Variants in CELF4 observed in about 807,000 individuals in gnomAD.
The protein encoded by CELF4 is CUGBP Elav-like family member 4.
CELF4 carries 18 observed loss-of-function variants against 59.9 expected under a neutral mutation model. That is an observed-to-expected ratio of 0.30 (90% CI 0.21 to 0.45). The LOEUF (loss-of-function observed/expected upper bound fraction) is 0.45. CELF4 is among the 20% of genes least tolerant of loss of function. CELF4 has a pLI of 1.00. For missense variants in CELF4, 456 were observed against 689.0 expected (o/e 0.66, Z 3.79); for synonymous variants, 261 against 267.1 (o/e 0.98, Z 0.22).
chr18:37,326,732 GGCCCAGA>G (rs1413856878), intron 2 of CELF4, among the ~76,000 whole-genome samples: 1 of 152,144 alleles, frequency 6.6e-6, no homozygotes. Context: ...GAGTGGGCCT[GGCCCAGA>G]TCTGGAGCTG....
chr18:37,306,260 C>G (rs958287953), intron 3 of CELF4: 2 of 152,288 alleles, frequency 1.3e-5, no homozygotes, highest in South Asian at 4.1e-4. Context: ...GATGGAAGCC[C>G]TCCTGCCAGA....
Position 37,565,611 on chromosome 18 carries a change from C to G in CELF4, c.31G>C (p.Gly11Arg). Residue 11 changes from glycine (G) to arginine (R), a missense_variant, in exon 1 of 13, where the codon GGA becomes CGA. Around this residue, in one of 7 missense-constraint regions of CELF4, gnomAD observed 70 missense variants for 69.5 expected, o/e 1.01. Transcript: ENST00000420428. ...CTGAGGCTTGCGTTGTCAGCCTGTC[C>G]GTTTGCTAACGTGGCCATCTTTATA... The part of the protein sequence containing the change: MYIKMATLAN[G>R]QADNASLSTN... The G allele has an allele frequency of 6.2e-7, 1 of 1,603,432 alleles. No homozygotes were observed. The highest frequency in any genetic ancestry group is 1.7e-4 in the Middle Eastern group (1 of 5,998).
chr18:37,274,822 C>G lies in CELF4; in HGVS notation c.640G>C (p.Gly214Arg). ...EAQAAINALH[G>R]SQTMPGASSS... Reference sequence around the variant, plus strand: ...GCACTCACCGGCATGGTCTGGCTGCCGTGTAGCGCGTTGATGGCGGCCTGC... The same window carrying G: ...GCACTCACCGGCATGGTCTGGCTGCGGTGTAGCGCGTTGATGGCGGCCTGC... The change falls in exon 5 of 13, where the codon GGC becomes CGC. Residue 214 changes from glycine to arginine, a missense_variant. Coordinates refer to ENST00000420428, the MANE Select transcript of CELF4 (RefSeq NM_020180.4). 3 of 1,604,900 alleles carry G rather than the reference C, an allele frequency of 1.9e-6. No homozygotes were observed. Among genetic ancestry groups the G allele is most frequent in the Non-Finnish European group, 2.5e-6 (3 of 1,176,988 alleles).
intron 3 of CELF4, among the ~76,000 whole-genome samples, chr18:37,278,854 T>C (rs1020052260): frequency 6.6e-6 from 1 of 152,182 alleles, no homozygotes; most frequent in Non-Finnish European, 1.5e-5. Flanking sequence ...CCAGCTGAGA[T>C]GGACAACATC....
intron 2 of CELF4, among the ~76,000 whole-genome samples, chr18:37,324,791 G>C (rs117257222): frequency 6.6e-6 from 1 of 152,196 alleles, no homozygotes; most frequent in African/African-American, 2.4e-5. Context: ...CGCATTGCTA[G>C]ATCATCACAA....
intron 3 of CELF4, among the ~76,000 whole-genome samples, chr18:37,294,995 G>A (rs770730398): frequency 7.9e-5 from 12 of 152,274 alleles, no homozygotes; most frequent in African/African-American, 2.2e-4. Flanking sequence ...GATGGGTCTC[G>A]GGCAGGAAGA....
chr18:37,282,449 T>C (rs531875169), intron 3 of CELF4, among the ~76,000 whole-genome samples: 1 of 152,334 alleles, frequency 6.6e-6, no homozygotes, highest in South Asian at 2.1e-4. Context: ...GCACCCATGG[T>C]TCCTAAGGGA....
intron 1 of CELF4, among the ~76,000 whole-genome samples, chr18:37,505,294 A>G (rs1171368122): frequency 6.6e-6 from 1 of 152,180 alleles, no homozygotes; most frequent in Non-Finnish European, 1.5e-5. Flanking sequence ...TCTCGTCTCC[A>G]CACTCCCTTT....
intron 11 of CELF4, among the ~76,000 whole-genome samples, chr18:37,256,174 C>T (rs762979098): frequency 4.6e-5 from 7 of 152,214 alleles, no homozygotes; most frequent in Non-Finnish European, 8.8e-5. Context: ...CTCCTATCCT[C>T]AGAAGGTTTC....
chr18:37,525,604 A>C (rs1263177114), intron 1 of CELF4, among the ~76,000 whole-genome samples: 1 of 5,876 alleles, frequency 1.7e-4, no homozygotes, highest in African/African-American at 8.0e-4. Context: ...TTCTTAGGGG[A>C]GGGAGGGGTG....
At chr18:37,560,523 A>T (rs1221211985) in intron 1 of CELF4, among the ~76,000 whole-genome samples, 1 of 152,180 alleles carries the variant, frequency 6.6e-6, no homozygotes, top group Non-Finnish European at 1.5e-5. Flanking sequence ...TTTTTAAAAA[A>T]TGCTTTTCTT....
At chr18:37,444,571 C>T (rs1338934988) in intron 2 of CELF4, among the ~76,000 whole-genome samples, 1 of 151,396 alleles carries the variant, frequency 6.6e-6, no homozygotes, top group East Asian at 1.9e-4. Flanking sequence ...ACAAAGCTGC[C>T]CTTCTCCAAG....
At chr18:37,545,496 G>C (rs1247794522) in intron 1 of CELF4, among the ~76,000 whole-genome samples, 1 of 152,226 alleles carries the variant, frequency 6.6e-6, no homozygotes, top group Non-Finnish European at 1.5e-5. Flanking sequence ...ACATGGGCTA[G>C]GCTCAGGAGA....
chr18:37,277,437 C>T (rs997284764), intron 3 of CELF4, among the ~76,000 whole-genome samples: 7 of 152,182 alleles, frequency 4.6e-5, no homozygotes, highest in Non-Finnish European at 8.8e-5. Flanking sequence ...CCCACTTACT[C>T]CAGGCTCTGG....
At chr18:37,505,769 G>T (rs1252010771) in intron 1 of CELF4, among the ~76,000 whole-genome samples, 1 of 152,190 alleles carries the variant, frequency 6.6e-6, no homozygotes, top group Non-Finnish European at 1.5e-5. Context: ...ACTCTACAGG[G>T]GGATCGATAG....
At chr18:37,477,370 G>T (rs112180325) in intron 2 of CELF4, among the ~76,000 whole-genome samples, 14 of 152,196 alleles carry the variant, frequency 9.2e-5, no homozygotes, top group African/African-American at 3.4e-4. Context: ...TCCAGGCAGA[G>T]GGAATGACAT....
intron 12 of CELF4, among the ~76,000 whole-genome samples, chr18:37,248,001 A>G (rs1306953714): frequency 2.0e-5 from 3 of 152,042 alleles, no homozygotes; most frequent in East Asian, 1.9e-4. Context: ...GAGGCTTGCT[A>G]TGGTAACTGC....
intron 1 of CELF4, among the ~76,000 whole-genome samples, chr18:37,492,606 A>T: frequency 6.6e-6 from 1 of 152,226 alleles, no homozygotes; most frequent in East Asian, 1.9e-4. Context: ...CACGTGAGAG[A>T]GAGGCAGCTA....
At chr18:37,383,288 A>G (rs1233649699) in intron 2 of CELF4, among the ~76,000 whole-genome samples, 1 of 152,160 alleles carries the variant, frequency 6.6e-6, no homozygotes, top group Non-Finnish European at 1.5e-5. Flanking sequence ...TCAGGAAGGT[A>G]GCAGGGAGAC....
Sources: gnomAD v4.1 joint callset for allele counts (sites outside exome capture counted in the v4.1 genomes callset) on GRCh38, gnomAD v4.1.1 for gene constraint, gnomAD v4.1.1 regional missense constraint, MANE v1.5 for transcripts, NCBI Gene and HGNC (gene_info 2026-07-23, HGNC 2026-07-21) for gene names.